The following DHRS3 variants were observed in gnomAD, a reference collection of about 807,000 sequenced individuals.
DHRS3 encodes the protein short-chain dehydrogenase/reductase 3.
Under a neutral mutation model 27.2 loss-of-function variants are expected in DHRS3, and 14 were observed. The observed-to-expected ratio is 0.52, with a 90% CI of 0.34 to 0.81. DHRS3 has a LOEUF of 0.81. DHRS3 is among the 30% of genes least tolerant of loss of function. The pLI is 0.01. For synonymous variants in DHRS3, 165 were observed against 175.9 expected (o/e 0.94, Z 0.49); for missense variants, 322 against 406.2 (o/e 0.79, Z 1.78).
chr1:12,609,535 A>G (rs1200230303), intron 1 of DHRS3, among the ~76,000 whole-genome samples: 5 of 152,180 alleles, frequency 3.3e-5, no homozygotes, highest in Non-Finnish European at 7.3e-5. Context: ...GCATCCTCCA[A>G]AACTCTAGTG....
rs76310405 is a variant in DHRS3, at chr1:12,572,607, A to T, written c.824+121T>A. ...GTTTGAGAACTGCTGCCCCACAGTA[A>T]GTACAGTACATCAGCAGCAAATGTG... is the stretch of plus-strand genomic sequence containing the variant. On this transcript the variant is annotated intron_variant, in intron 5 of 5. Transcript: ENST00000616661. 1.9e-3 allele frequency: 2,718 copies of T among 1,444,322 alleles called. 45 individuals carry two copies. The African/African-American group carries it at 0.035, about 19-fold the overall frequency. The allele number at this position is 1,444,322 out of a possible 1,614,324, so 89.5% of individuals were successfully genotyped here. A position where few individuals can be genotyped will look rare whatever the true frequency, so the allele number is the denominator to read the frequency against.
At chr1:12,585,909 G>A (rs1038810108) in intron 1 of DHRS3, among the ~76,000 whole-genome samples, 3 of 152,214 alleles carry the variant, frequency 2.0e-5, no homozygotes, top group South Asian at 2.1e-4. Context: ...TAGTGAACTC[G>A]GGACAGGCAG....
In DHRS3 at chr1:12,578,765, C is replaced by G. The variant is rs776480343; in HGVS notation, c.651G>C (p.Val217=). ...LDCPGVSATT[V]LPFHTSTEMF... ...TCTCGGTGCTGGTGTGGAAGGGCAG[C>G]ACTGTGGTGGCGCTGACTCCCGGAC... is the stretch of plus-strand genomic sequence containing the variant. Residue 217 remains valine (V), a synonymous_variant, in exon 4 of 6, where the codon GTG becomes GTC. Coordinates refer to ENST00000616661, the MANE Select transcript of DHRS3 (RefSeq NM_004753.7). This position sits in a 1 kb window ranked among gnomAD's most constrained non-coding sequence, Gnocchi z 4.5. The G allele has an allele frequency of 6.2e-7, 1 of 1,614,110 alleles. No homozygotes were observed. The highest frequency in any genetic ancestry group is 8.5e-7 in the Non-Finnish European group (1 of 1,180,028).
rs2100721079 is a variant in DHRS3 at position 12,608,690 on chromosome 1, C to T, written c.195+8464G>A. On this transcript the variant is annotated intron_variant, in intron 1 of 5. Coordinates refer to ENST00000616661, the MANE Select transcript of DHRS3 (RefSeq NM_004753.7). This position sits in a 1 kb window ranked among gnomAD's most constrained non-coding sequence, Gnocchi z 4.1. ...ACCTCCCCCAGTGCAGAAATCTCGACACCATGTTTGCTTAAAGAGCAACCT... is the reference window on the plus strand; with the variant it reads ...ACCTCCCCCAGTGCAGAAATCTCGATACCATGTTTGCTTAAAGAGCAACCT... Among the ~76,000 whole-genome samples, 3 of 152,266 alleles carry T rather than the reference C, an allele frequency of 2.0e-5. 1 individual carries two copies. The Middle Eastern group carries it at 0.01, about 518-fold the overall frequency.
intron 1 of DHRS3, among the ~76,000 whole-genome samples, chr1:12,609,383 C>G (rs1158397511): frequency 1.3e-5 from 2 of 152,218 alleles, no homozygotes; most frequent in African/African-American, 4.8e-5. Flanking sequence ...GGGAGCAGGG[C>G]TGCCCAGCAG....
In DHRS3 at chr1:12,586,261, C is replaced by A. The variant is rs1029999183; in HGVS notation, c.196-5595G>T. ...TAGCTCAAAGGAGTTAAGTAACTCA[C>A]CCCACGCCACCCACTGTGAAACAGG... On this transcript the variant is annotated intron_variant, in intron 1 of 5. Coordinates refer to ENST00000616661, the MANE Select transcript of DHRS3 (RefSeq NM_004753.7). This position sits in a 1 kb window ranked among gnomAD's most constrained non-coding sequence, Gnocchi z 5.0. 6.6e-6 allele frequency among the ~76,000 whole-genome samples: 1 copy of A among 152,228 alleles called. No homozygotes were observed. The highest frequency in any genetic ancestry group is 1.5e-5 in the Non-Finnish European group (1 of 68,040).
rs1010896895 is a variant in DHRS3, at chr1:12,591,686, G to C, written c.196-11020C>G. Among the ~76,000 whole-genome samples the C allele has an allele frequency of 6.6e-6, 1 of 152,240 alleles. No homozygotes were observed. Reference sequence around the variant, plus strand: ...AGAAGGGCTCATACCCGAGAAAACTGATACACGAAGGGGCTATGTAATTCC... The same window carrying C: ...AGAAGGGCTCATACCCGAGAAAACTCATACACGAAGGGGCTATGTAATTCC... On this transcript the variant is annotated intron_variant, in intron 1 of 5. Transcript: ENST00000616661. The surrounding 1 kb of genome is among the most constrained non-coding windows in gnomAD (Gnocchi z 4.1).
Position 12,574,239 on chromosome 1 carries a change from C to T in DHRS3, c.699-1386G>A, listed in dbSNP as rs1268216795. On this transcript the variant is annotated intron_variant, in intron 4 of 5. Coordinates refer to ENST00000616661, the MANE Select transcript of DHRS3 (RefSeq NM_004753.7). The surrounding 1 kb of genome is among the most constrained non-coding windows in gnomAD (Gnocchi z 4.6). ...AGGCTGGAGTGCAGTGACGTGATCA[C>T]AGCTCACTGCAGCCTCGACCTCCCT... is the stretch of plus-strand genomic sequence containing the variant. Among the ~76,000 whole-genome samples the T allele has an allele frequency of 6.6e-6, 1 of 152,146 alleles. No homozygotes were observed. Among genetic ancestry groups the T allele is most frequent in the Non-Finnish European group, 1.5e-5 (1 of 68,032 alleles).
chr1:12,580,805 A>C, intron 1 of DHRS3, 139 bp from the exon 2 acceptor site: 1 of 1,001,844 alleles, frequency 1.0e-6, no homozygotes, highest in Non-Finnish European at 1.4e-6. Context: ...GATAAAGAAT[A>C]CAACATAGAT....
chr1:12,605,372 T>A (rs1209103460), intron 1 of DHRS3, among the ~76,000 whole-genome samples: 1 of 152,218 alleles, frequency 6.6e-6, no homozygotes, highest in East Asian at 1.9e-4. Context: ...TCATATACAG[T>A]ATCTATCTTG....
chr1:12,618,207 A>G lies in DHRS3; in HGVS notation c.-859T>C, dbSNP rs1646958874. Among the ~76,000 whole-genome samples, 1 of 151,070 alleles carries G rather than the reference A, an allele frequency of 6.6e-6. No individual in the cohort carries two copies. The highest frequency in any genetic ancestry group is 2.0e-4 in the East Asian group (1 of 5,052). ...GGGTCCGGGTGTGGAGCGCGCGTGG[A>G]TCGGACGCCTTGGTCTGCGCGGCCC... On this transcript the variant is annotated 5_prime_UTR_variant, in exon 1 of 6. Transcript: ENST00000616661. The surrounding 1 kb of genome is among the most constrained non-coding windows in gnomAD (Gnocchi z 4.2).
intron 3 of DHRS3, 119 bp from the exon 4 acceptor site, chr1:12,579,075 T>G (rs1646618858): frequency 1.1e-5 from 14 of 1,253,288 alleles, no homozygotes; most frequent in Non-Finnish European, 1.6e-5. Context: ...CGAGCCTTCC[T>G]GCGAGGGAGA....
At chr1:12,602,476 TC>T (rs142324533) in intron 1 of DHRS3, among the ~76,000 whole-genome samples, 14,735 of 152,226 alleles carry the variant, frequency 0.097, 895 homozygotes, top group East Asian at 0.23. Context: ...ACTCTCTGCT[TC>T]CCGGGGGAGT....
chr1:12,598,104 T>C (rs1646811000), intron 1 of DHRS3, among the ~76,000 whole-genome samples: 1 of 152,216 alleles, frequency 6.6e-6, no homozygotes, highest in South Asian at 2.1e-4. Context: ...AACTAAAAGT[T>C]GCCCGCACAT....
intron 1 of DHRS3, among the ~76,000 whole-genome samples, chr1:12,596,869 C>A (rs887663965): frequency 1.3e-5 from 2 of 152,140 alleles, no homozygotes; most frequent in Admixed American, 6.5e-5. Context: ...AACTTGGAGA[C>A]CCTCAGAGAA....
Position 12,617,512 on chromosome 1 carries a change from G to GAT in DHRS3, c.-165_-164insAT. The GAT allele has an allele frequency of 1.4e-5, 3 of 211,428 alleles. No homozygotes were observed. The highest frequency in any genetic ancestry group is 7.7e-5 in the Admixed American group (1 of 12,968). 13.1% of individuals were successfully genotyped at this position (211,428 alleles called of 1,614,324 possible). A position where few individuals can be genotyped will look rare whatever the true frequency, so the allele number is the denominator to read the frequency against. ...TCTTCCCAAATGCAAAGCACCGGGT[G>GAT]AGAAAAAGAAAAAAAAAAAAAAAAA... On this transcript the variant is annotated 5_prime_UTR_variant, in exon 1 of 6. Transcript: ENST00000616661.
At chr1:12,615,313 C>A (rs1472724111) in intron 1 of DHRS3, among the ~76,000 whole-genome samples, 1 of 152,116 alleles carries the variant, frequency 6.6e-6, no homozygotes, top group Non-Finnish European at 1.5e-5. Context: ...TTTCACAGGC[C>A]CCCATGGATC....
At chr1:12,615,429 G>A (rs976196650) in intron 1 of DHRS3, among the ~76,000 whole-genome samples, 3 of 152,186 alleles carry the variant, frequency 2.0e-5, no homozygotes, top group African/African-American at 7.2e-5. Context: ...GGTGGGGTTT[G>A]GTTCCCGGTG....
intron 1 of DHRS3, among the ~76,000 whole-genome samples, chr1:12,612,623 C>T (rs1167083943): frequency 3.9e-5 from 6 of 152,198 alleles, no homozygotes; most frequent in Non-Finnish European, 8.8e-5. Context: ...TAGCATCTCC[C>T]AAACTTCACG....
Sources: gnomAD v4.1 joint callset for allele counts (sites outside exome capture counted in the v4.1 genomes callset) on GRCh38, gnomAD v4.1.1 for gene constraint, Gnocchi (gnomAD v3.1) non-coding constraint, MANE v1.5 for transcripts, NCBI Gene and HGNC (gene_info 2026-07-23, HGNC 2026-07-21) for gene names.